KIAA0825: variants seen among roughly 807,000 people sequenced by gnomAD.
The protein encoded by KIAA0825 is KIAA0825.
Under a neutral mutation model 147.6 loss-of-function variants are expected in KIAA0825, and 119 were observed. The ratio of observed to expected loss-of-function variants is 0.81; its 90% CI spans 0.69 to 0.94. The LOEUF is 0.94. Among genes scored for constraint, KIAA0825 ranks in the 40% least tolerant of loss-of-function variants. KIAA0825 has a pLI of 0.00. For synonymous variants in KIAA0825, 470 were observed against 518.1 expected (o/e 0.91, Z 1.26); for missense variants, 1,381 against 1,472.7 (o/e 0.94, Z 1.02).
chr5:94,390,495 G>T (rs1378602803), intron 18 of KIAA0825, among the ~76,000 whole-genome samples: 1 of 152,192 alleles, frequency 6.6e-6, no homozygotes, highest in Non-Finnish European at 1.5e-5. Context: ...AATAGGTTGT[G>T]TTGCTTTGTA....
chr5:94,396,134 T>C lies in KIAA0825; in HGVS notation c.3263A>G (p.Gln1088Arg), dbSNP rs1427217388. The change falls in exon 17 of 21, where the codon CAA becomes CGA. Residue 1088 changes from glutamine (Q) to arginine (R), a missense_variant. Coordinates refer to ENST00000682413, the MANE Select transcript of KIAA0825 (RefSeq NM_001145678.3). ...EQQKPNWIERQLLKARKLSTE... is the reference protein window; with the variant it reads ...EQQKPNWIERRLLKARKLSTE... ...GCTCAGTTTCCTTGCTTTCAACAAT[T>C]GACGTTCAATCCAGTTGGGCTTCTG... The C allele has an allele frequency of 9.3e-6, 14 of 1,506,202 alleles. No individual in the cohort carries two copies. The highest frequency in any genetic ancestry group is 1.2e-5 in the Non-Finnish European group (13 of 1,128,040). 93.3% of individuals were successfully genotyped at this position (1,506,202 alleles called of 1,614,324 possible). A position where few individuals can be genotyped will look rare whatever the true frequency, so the allele number is the denominator to read the frequency against.
At chr5:94,272,543 A>G (rs1434912656) in intron 20 of KIAA0825, among the ~76,000 whole-genome samples, 1 of 152,154 alleles carries the variant, frequency 6.6e-6, no homozygotes, top group African/African-American at 2.4e-5. Context: ...AAATTTTATT[A>G]TTTCTTTTGA....
At chr5:94,220,218 A>G (rs1411149970) in intron 20 of KIAA0825, among the ~76,000 whole-genome samples, 1 of 152,190 alleles carries the variant, frequency 6.6e-6, no homozygotes, top group Admixed American at 6.5e-5. Flanking sequence ...AGAGTCATCA[A>G]TATCACTGTC....
Position 94,520,865 on chromosome 5 carries a change from A to C in KIAA0825, c.353T>G (p.Leu118Arg), listed in dbSNP as rs1768047686. ...QNQEEMTLDL[L>R]WDLSCHSSVS... ...GCTGCTGTGGCAGGAGAGGTCCCAAAGTAAATCCAATGTCATTTCTTCTTG... is the reference window on the plus strand; with the variant it reads ...GCTGCTGTGGCAGGAGAGGTCCCAACGTAAATCCAATGTCATTTCTTCTTG... The change falls in exon 5 of 21, where the codon CTT (leucine) becomes CGT (arginine). Residue 118 changes from leucine to arginine, a missense_variant. Physicochemically the swap from Leu to Arg is moderately radical, Grantham distance 102. Coordinates refer to ENST00000682413, the MANE Select transcript of KIAA0825 (RefSeq NM_001145678.3). The C allele has an allele frequency of 6.2e-7, 1 of 1,611,090 alleles. No individual in the cohort carries two copies. The highest frequency in any genetic ancestry group is 1.3e-5 in the African/African-American group (1 of 74,966).
At chr5:94,162,320 A>G (rs780752793) in intron 20 of KIAA0825, among the ~76,000 whole-genome samples, 2 of 152,066 alleles carry the variant, frequency 1.3e-5, no homozygotes, top group Non-Finnish European at 2.9e-5. Context: ...TTTTTTTAGA[A>G]TCATGGTCTC....
chr5:94,575,373 AAGAT>A (rs1029403629), intron 2 of KIAA0825, among the ~76,000 whole-genome samples: 8 of 152,078 alleles, frequency 5.3e-5, no homozygotes, highest in Non-Finnish European at 1.2e-4. Context: ...AAAAAAAAAA[AAGAT>A]AGATCTGAAA....
chr5:94,252,535 A>G (rs1236086040), intron 20 of KIAA0825, among the ~76,000 whole-genome samples: 3 of 151,904 alleles, frequency 2.0e-5, no homozygotes, highest in Non-Finnish European at 2.9e-5. Flanking sequence ...AAAGGAAATT[A>G]TTTTCTTCAA....
At chr5:94,311,130 T>C (rs543947488) in intron 20 of KIAA0825, among the ~76,000 whole-genome samples, 37 of 151,778 alleles carry the variant, frequency 2.4e-4, no homozygotes, top group African/African-American at 8.0e-4. Flanking sequence ...CATTGGCCTA[T>C]TCCAATTCTC....
chr5:94,488,418 G>C (rs1192324451), intron 5 of KIAA0825, among the ~76,000 whole-genome samples: 1 of 151,888 alleles, frequency 6.6e-6, no homozygotes, highest in Non-Finnish European at 1.5e-5. Flanking sequence ...TGATTCTTAG[G>C]AAATACACAG....
At chr5:94,564,949 T>TTTCTA (rs1390745420) in intron 2 of KIAA0825, among the ~76,000 whole-genome samples, 2 of 128,638 alleles carry the variant, frequency 1.6e-5, no homozygotes, top group Non-Finnish European at 3.4e-5. Flanking sequence ...CTCCCTCCCT[T>TTTCTA]TTCTTTTCTT....
chr5:94,440,001 T>A lies in KIAA0825; in HGVS notation c.2478A>T (p.Arg826Ser). 6.4e-7 allele frequency: 1 copy of A among 1,551,642 alleles called. No individual in the cohort carries two copies. Residue 826 changes from arginine to serine, a missense_variant, in exon 14 of 21, where the codon AGA (arginine) becomes AGT (serine). Physicochemically the swap from Arg to Ser is moderately radical, Grantham distance 110. Coordinates refer to ENST00000682413, the MANE Select transcript of KIAA0825 (RefSeq NM_001145678.3). ...ACTCACTTGAGCTCTTCAGCAAGAT[T>A]CTCAGTAAAAGTCCATCATGATGCA... The part of the protein sequence containing the change: ...TLLHHDGLLL[R>S]ILLKSSKQVS...
intron 20 of KIAA0825, among the ~76,000 whole-genome samples, chr5:94,234,265 G>T (rs1774908888): frequency 6.6e-6 from 1 of 151,932 alleles, no homozygotes; most frequent in Non-Finnish European, 1.5e-5. Flanking sequence ...CAGCTACGCG[G>T]GAGGCTGAGG....
chr5:94,504,221 AG>A (rs1401788138), intron 5 of KIAA0825, among the ~76,000 whole-genome samples: 2 of 152,214 alleles, frequency 1.3e-5, no homozygotes, highest in African/African-American at 4.8e-5. Context: ...ATAAGAATAA[AG>A]GCTGTCTTAG....
chr5:94,301,972 A>G (rs1162504902), intron 20 of KIAA0825, among the ~76,000 whole-genome samples: 1 of 152,176 alleles, frequency 6.6e-6, no homozygotes, highest in South Asian at 2.1e-4. Context: ...TTTGGAAGCC[A>G]TAACTCTGAA....
intron 20 of KIAA0825, among the ~76,000 whole-genome samples, chr5:94,179,418 A>G (rs1471659279): frequency 1.3e-5 from 2 of 152,178 alleles, no homozygotes; most frequent in Non-Finnish European, 2.9e-5. Flanking sequence ...AACTCTGGAA[A>G]GAAGTGTTTT....
chr5:94,605,033 TACAAAC>T (rs1370984247), intron 1 of KIAA0825, among the ~76,000 whole-genome samples: 9 of 141,332 alleles, frequency 6.4e-5, no homozygotes, highest in Non-Finnish European at 8.0e-5. Context: ...GAGGGAAGAT[TACAAAC>T]ACAATCAGAA....
intron 12 of KIAA0825, among the ~76,000 whole-genome samples, chr5:94,461,731 G>T (rs1759865026): frequency 6.6e-6 from 1 of 151,978 alleles, no homozygotes; most frequent in East Asian, 1.9e-4. Context: ...ATAGACATAT[G>T]TGAAATTTTT....
chr5:94,184,510 CTTTATATTAGAATGT>C (rs1769945390), intron 20 of KIAA0825, among the ~76,000 whole-genome samples: 1 of 152,060 alleles, frequency 6.6e-6, no homozygotes, highest in Non-Finnish European at 1.5e-5. Context: ...ACCTCATACT[CTTTATATTAGAATGT>C]TTTATCTGCT....
intron 20 of KIAA0825, among the ~76,000 whole-genome samples, chr5:94,360,033 T>G (rs1744849745): frequency 6.6e-6 from 1 of 152,180 alleles, no homozygotes; most frequent in Non-Finnish European, 1.5e-5. Context: ...CATTAGCCCT[T>G]CTATTTTAAG....
Sources: allele counts gnomAD v4.1 joint callset (sites outside exome capture counted in the v4.1 genomes callset), GRCh38; gene constraint gnomAD v4.1.1; transcripts MANE v1.5; gene names NCBI Gene and HGNC (gene_info 2026-07-23, HGNC 2026-07-21).